CDKAL1: variants seen among roughly 807,000 people sequenced by gnomAD.
The protein encoded by CDKAL1 is CDKAL1 threonylcarbamoyladenosine tRNA methylthiotransferase.
In CDKAL1, 32 loss-of-function variants were observed where a neutral mutation model predicts 68.2. The observed-to-expected ratio is 0.47, with a 90% CI of 0.35 to 0.63. The LOEUF (loss-of-function observed/expected upper bound fraction) is 0.63. CDKAL1 is among the 30% of genes least tolerant of loss of function. The pLI is 0.00. For missense variants in CDKAL1, 606 were observed against 696.7 expected (o/e 0.87, Z 1.47); for synonymous variants, 234 against 244.3 (o/e 0.96, Z 0.39).
In CDKAL1 at chr6:21,000,302, G is replaced by T. The variant is rs145084016; in HGVS notation, c.985G>T (p.Val329Leu). 1.2e-6 allele frequency: 2 copies of T among 1,613,402 alleles called. No individual in the cohort carries two copies. The highest frequency in any genetic ancestry group is 2.2e-5 in the East Asian group (1 of 44,876). ...HIPVQSASDS[V>L]LMEMKREYCV... ...ACCAGTCCAGTCTGCCTCCGACAGC[G>T]TACTCATGGAAATGAAAAGAGAATA... The change falls in exon 11 of 16, where the codon GTA becomes TTA. Residue 329 changes from valine to leucine, a missense_variant. Coordinates refer to ENST00000274695, the MANE Select transcript of CDKAL1 (RefSeq NM_017774.3).
chr6:21,189,840 T>C (rs1477844105), intron 13 of CDKAL1, among the ~76,000 whole-genome samples: 1 of 152,236 alleles, frequency 6.6e-6, no homozygotes, highest in South Asian at 2.1e-4. Context: ...AAAATAGAAG[T>C]GAGCATAAAC....
At chr6:20,557,050 A>AAT (rs1554149924) in intron 4 of CDKAL1, among the ~76,000 whole-genome samples, 14,045 of 88,648 alleles carry the variant, frequency 0.16, 879 homozygotes, top group Middle Eastern at 0.27. Context: ...TCAAAAAAAA[A>AAT]AAATAAATAA....
chr6:20,873,887 C>T (rs1202358657), intron 9 of CDKAL1, among the ~76,000 whole-genome samples: 2 of 152,078 alleles, frequency 1.3e-5, no homozygotes, highest in Non-Finnish European at 1.5e-5. Context: ...TGCAGTGCAT[C>T]GAGTTGCTAA....
chr6:20,794,461 TA>T (rs1776028882), intron 8 of CDKAL1, among the ~76,000 whole-genome samples: 1 of 152,120 alleles, frequency 6.6e-6, no homozygotes, highest in Non-Finnish European at 1.5e-5. Context: ...ACTTTTTTTG[TA>T]AGAGATGGGA....
At chr6:20,712,520 GTGAAA>G (rs1334331050) in intron 5 of CDKAL1, among the ~76,000 whole-genome samples, 1 of 148,390 alleles carries the variant, frequency 6.7e-6, no homozygotes, top group South Asian at 2.1e-4. Flanking sequence ...AAAAAAAGAA[GTGAAA>G]TGAAAAGAAA....
intron 5 of CDKAL1, among the ~76,000 whole-genome samples, chr6:20,707,024 C>T (rs1309937920): frequency 3.3e-5 from 5 of 152,122 alleles, no homozygotes; most frequent in African/African-American, 1.2e-4. Flanking sequence ...GAGTCCTGAA[C>T]AACGTTATTT....
chr6:20,857,303 A>G (rs1162966630), intron 9 of CDKAL1, among the ~76,000 whole-genome samples: 1 of 152,168 alleles, frequency 6.6e-6, no homozygotes, highest in Non-Finnish European at 1.5e-5. Flanking sequence ...AGAGTTTTTA[A>G]CCTGTGACAA....
chr6:20,924,379 G>C (rs1326522242), intron 9 of CDKAL1, among the ~76,000 whole-genome samples: 1 of 151,312 alleles, frequency 6.6e-6, no homozygotes, highest in Non-Finnish European at 1.5e-5. Flanking sequence ...AAATGATTAA[G>C]CTTAGTAAGG....
chr6:20,945,627 T>C (rs1764199858), intron 9 of CDKAL1, among the ~76,000 whole-genome samples: 2 of 152,180 alleles, frequency 1.3e-5, no homozygotes, highest in African/African-American at 2.4e-5. Flanking sequence ...AGTATTGGTT[T>C]GTTTGCTGGA....
chr6:21,161,874 T>C (rs960532017), intron 13 of CDKAL1, among the ~76,000 whole-genome samples: 2 of 152,230 alleles, frequency 1.3e-5, no homozygotes, highest in African/African-American at 4.8e-5. Flanking sequence ...TACTAAAAGC[T>C]GCATTTAGAA....
intron 15 of CDKAL1, among the ~76,000 whole-genome samples, chr6:21,220,322 T>G (rs563709323): frequency 6.6e-6 from 1 of 152,326 alleles, no homozygotes; most frequent in South Asian, 2.1e-4. Context: ...TTTCCAAACT[T>G]TGACCCAGTA....
chr6:21,019,036 C>T (rs756719195), intron 11 of CDKAL1, among the ~76,000 whole-genome samples: 11 of 152,160 alleles, frequency 7.2e-5, no homozygotes, highest in Non-Finnish European at 1.5e-4. Context: ...GCAACCTCCA[C>T]CTGCCACGTT....
chr6:20,962,099 C>G (rs930957880), intron 10 of CDKAL1, among the ~76,000 whole-genome samples: 1 of 152,190 alleles, frequency 6.6e-6, no homozygotes, highest in Non-Finnish European at 1.5e-5. Flanking sequence ...TTATTAAGGA[C>G]TATTCCTATA....
intron 5 of CDKAL1, among the ~76,000 whole-genome samples, chr6:20,715,008 G>A (rs1393598691): frequency 6.6e-6 from 1 of 152,092 alleles, no homozygotes; most frequent in African/African-American, 2.4e-5. Flanking sequence ...TATTATAGTG[G>A]AACAAATTAA....
chr6:20,649,374 T>G lies in CDKAL1; in HGVS notation c.368T>G (p.Ile123Ser). The G allele has an allele frequency of 6.4e-7, 1 of 1,563,248 alleles. No individual in the cohort carries two copies. Among genetic ancestry groups the G allele is most frequent in the Non-Finnish European group, 8.8e-7 (1 of 1,142,116 alleles). Residue 123 changes from isoleucine to serine, a missense_variant, in exon 5 of 16, where the codon ATT (isoleucine) becomes AGT (serine). Physicochemically the swap from Ile to Ser is moderately radical, Grantham distance 142. Coordinates refer to ENST00000274695, the MANE Select transcript of CDKAL1 (RefSeq NM_017774.3). ...GCTGAAGACCACTTTAGAAACTCAA[T>G]TAAGTAAGTAGAAATTGATTTTTTC... ...NPAEDHFRNS[I>S]KKAQEENKKI...
Position 20,863,414 on chromosome 6 carries a change from A to G in CDKAL1, c.742+17236A>G, listed in dbSNP as rs569494621. Among the ~76,000 whole-genome samples the G allele has an allele frequency of 2.6e-5, 4 of 152,308 alleles. No individual in the cohort carries two copies. In the East Asian group the frequency reaches 5.8e-4, roughly 22 times the overall value. ...TTATATCCTCTACCTCCTCTTCAGT[A>G]AAGACCCCTTGGGTCTTACTTATCT... On this transcript the variant is annotated intron_variant, in intron 9 of 15. Transcript: ENST00000274695.
chr6:20,942,689 G>C (rs1764043257), intron 9 of CDKAL1, among the ~76,000 whole-genome samples: 1 of 148,166 alleles, frequency 6.7e-6, no homozygotes, highest in African/African-American at 2.5e-5. Flanking sequence ...TTTAATGGTG[G>C]CTCATGCCTG....
chr6:20,581,312 A>G (rs1765135531), intron 4 of CDKAL1, among the ~76,000 whole-genome samples: 1 of 152,160 alleles, frequency 6.6e-6, no homozygotes, highest in Non-Finnish European at 1.5e-5. Flanking sequence ...TCAATTTCAT[A>G]AGAGTCATTT....
chr6:21,080,292 A>G (rs943343964), intron 12 of CDKAL1, among the ~76,000 whole-genome samples: 6 of 152,184 alleles, frequency 3.9e-5, no homozygotes, highest in African/African-American at 1.4e-4. Context: ...AGAGAATCTA[A>G]CAAACATGAC....
Sources: allele counts gnomAD v4.1 joint callset (sites outside exome capture counted in the v4.1 genomes callset), GRCh38; gene constraint gnomAD v4.1.1; transcripts MANE v1.5; gene names NCBI Gene and HGNC (gene_info 2026-07-23, HGNC 2026-07-21).